SUN3: variants seen among roughly 807,000 people sequenced by gnomAD.
SUN3 encodes SUN domain-containing protein 3.
In SUN3, 36 loss-of-function variants were observed where a neutral mutation model predicts 48.2. The ratio of observed to expected loss-of-function variants is 0.75; its 90% confidence interval spans 0.57 to 0.99. The LOEUF is 0.99. Ranked by LOEUF, SUN3 falls within the 50% of genes least tolerant of loss-of-function variation. SUN3 has a pLI of 0.00. For missense variants in SUN3, 419 were observed against 433.1 expected (o/e 0.97, Z 0.29); for synonymous variants, 148 against 147.9 (o/e 1.00, Z 0.00).
intron 3 of SUN3, among the ~76,000 whole-genome samples, chr7:48,014,758 T>C (rs1324530754): frequency 2.0e-5 from 3 of 152,132 alleles, no homozygotes; most frequent in Admixed American, 1.3e-4. Context: ...CCAATGTATA[T>C]ATAGAGAGAG....
At chr7:48,023,961 A>T (rs924572482) in intron 2 of SUN3, among the ~76,000 whole-genome samples, 4 of 152,240 alleles carry the variant, frequency 2.6e-5, no homozygotes, top group African/African-American at 9.6e-5. Context: ...TTTGGAACAG[A>T]GGACAAGACA....
At chr7:48,023,037 A>AT (rs1248283082) in intron 2 of SUN3, among the ~76,000 whole-genome samples, 1 of 152,190 alleles carries the variant, frequency 6.6e-6, no homozygotes, top group Non-Finnish European at 1.5e-5. Context: ...GTGAAAGGAC[A>AT]TTAGAGAGTA....
Position 47,996,099 on chromosome 7 carries a change from T to C in SUN3, c.625A>G (p.Lys209Glu). The C allele has an allele frequency of 6.3e-7, 1 of 1,596,338 alleles. No homozygotes were observed. The highest frequency in any genetic ancestry group is 8.5e-7 in the Non-Finnish European group (1 of 1,174,374). ...AGTSESYKNN[K>E]AKLYWHGIGF... ...ATCCCATGCCAGTACAATTTTGCTT[T>C]ATTATTTTTATAACTTTCTGAGGTC... Residue 209 changes from lysine (K) to glutamate (E), a missense_variant, in exon 7 of 10, where the codon AAA becomes GAA. Coordinates refer to ENST00000297325, the MANE Select transcript of SUN3 (RefSeq NM_001030019.2).
At chr7:48,015,877 C>A (rs1789797783) in intron 3 of SUN3, among the ~76,000 whole-genome samples, 2 of 152,190 alleles carry the variant, frequency 1.3e-5, no homozygotes, top group Non-Finnish European at 2.9e-5. Context: ...CATGGTTTGA[C>A]TCTGAAACAA....
At chr7:47,995,983 A>C (rs1035154353) in intron 7 of SUN3, 48 bp downstream of exon 7, 2 of 1,194,860 alleles carry the variant, frequency 1.7e-6, no homozygotes, top group Admixed American at 5.0e-5. Flanking sequence ...ATAAATAATA[A>C]GAACAAAATT....
rs529001496 is a variant in SUN3, at chr7:48,024,991, T to C, written c.184+886A>G. On this transcript the variant is annotated intron_variant, in intron 2 of 9. Transcript: ENST00000297325. ...TCCTCCTACACTGCTTGTGGGAATG[T>C]AAAATAGTGCAGCCATTGAGGAAAA... is the stretch of plus-strand genomic sequence containing the variant. Among the ~76,000 whole-genome samples the C allele has an allele frequency of 1.4e-4, 21 of 152,256 alleles. No homozygotes were observed. In the South Asian group the frequency reaches 4.4e-3, roughly 32 times the overall value.
At chr7:48,016,621 T>C (rs532433689) in intron 3 of SUN3, among the ~76,000 whole-genome samples, 101 of 152,314 alleles carry the variant, frequency 6.6e-4, no homozygotes, top group Non-Finnish European at 1.0e-3. Context: ...GCCATACTCC[T>C]GTCCAGTGTC....
At position 48,029,019 on chromosome 7, in the gene SUN3, C is replaced by A. The variant is rs1431334379; in HGVS notation, c.-81G>T. On this transcript the variant is annotated 5_prime_UTR_variant, in exon 1 of 10. Transcript: ENST00000297325. Reference sequence around the variant, plus strand: ...TTCCTATTTTATGAAAAACATGAAGCTATACATACAGTTTCTAAATTTGTT... The same window carrying A: ...TTCCTATTTTATGAAAAACATGAAGATATACATACAGTTTCTAAATTTGTT... 1.9e-6 allele frequency: 3 copies of A among 1,583,746 alleles called. No individual in the cohort carries two copies. The highest frequency in any genetic ancestry group is 2.7e-5 in the African/African-American group (2 of 73,492).
intron 2 of SUN3, among the ~76,000 whole-genome samples, chr7:48,019,474 T>C (rs1346115151): frequency 4.6e-5 from 7 of 151,212 alleles, no homozygotes; most frequent in Non-Finnish European, 7.4e-5. Context: ...AAAATGGAAA[T>C]GAAGTAAACA....
intron 6 of SUN3, among the ~76,000 whole-genome samples, chr7:48,001,526 T>TTTTG: frequency 8.4e-6 from 1 of 119,120 alleles, no homozygotes; most frequent in African/African-American, 3.1e-5. Context: ...TTTTCTGTTT[T>TTTTG]TTTTGTTTTT....
chr7:48,034,033 G>A (rs1199710320), upstream of SUN3, among the ~76,000 whole-genome samples: 1 of 152,212 alleles, frequency 6.6e-6, no homozygotes, highest in Non-Finnish European at 1.5e-5. Context: ...CAGCCTGGGC[G>A]ACAGAGCAAG....
At chr7:47,999,246 A>G (rs1789293235) in intron 6 of SUN3, among the ~76,000 whole-genome samples, 1 of 151,996 alleles carries the variant, frequency 6.6e-6, no homozygotes, top group African/African-American at 2.4e-5. Flanking sequence ...TATGTTTTTT[A>G]CTGCATTTAT....
At chr7:47,997,150 G>C (rs1357538268) in intron 6 of SUN3, among the ~76,000 whole-genome samples, 1 of 152,082 alleles carries the variant, frequency 6.6e-6, no homozygotes, top group Non-Finnish European at 1.5e-5. Flanking sequence ...TAGTAATTGA[G>C]TTCCTAGAGT....
chr7:47,991,546 T>C (rs1204074598), intron 8 of SUN3, among the ~76,000 whole-genome samples: 2 of 149,544 alleles, frequency 1.3e-5, no homozygotes, highest in African/African-American at 4.9e-5. Flanking sequence ...AGATCATAAT[T>C]GAAGGCATAA....
Position 48,005,208 on chromosome 7 carries a change from C to T in SUN3, c.577+761G>A, listed in dbSNP as rs569930695. On this transcript the variant is annotated intron_variant, in intron 6 of 9. Coordinates refer to ENST00000297325, the MANE Select transcript of SUN3 (RefSeq NM_001030019.2). ...CAACCAAAAAATCCCAACTATGGTT[C>T]GTCTCCCATCTTGTCCCCAACACTC... 4.1e-4 allele frequency among the ~76,000 whole-genome samples: 62 copies of T among 152,258 alleles called. 1 individual carries two copies. Among genetic ancestry groups the T allele is most frequent in the Admixed American group, 1.2e-3 (19 of 15,302 alleles).
rs776574850 is a variant in SUN3, at chr7:48,028,844, G to C, written c.95C>G (p.Ser32Ter). ...SGSASGNALL[S>*]EDENPDANGV... ...ATTCGCATCAGGATTTTCGTCCTCT[G>C]ATAACAAAGCATTGCCACTGGCGCT... The change falls in exon 1 of 10, where the codon TCA becomes TGA. Residue 32 changes from serine (S) to a stop codon, truncating the protein, a stop_gained. Transcript: ENST00000297325. LOFTEE classifies it high-confidence loss of function. The C allele has an allele frequency of 2.4e-5, 39 of 1,613,778 alleles. No homozygotes were observed. Among genetic ancestry groups the C allele is most frequent in the Non-Finnish European group, 3.1e-5 (36 of 1,179,846 alleles).
At chr7:47,995,276 ATGG>A (rs1789178140) in intron 7 of SUN3, among the ~76,000 whole-genome samples, 1 of 148,388 alleles carries the variant, frequency 6.7e-6, no homozygotes, top group African/African-American at 2.5e-5. Flanking sequence ...GGTGGCAGTG[ATGG>A]TGGTGGCGGT....
rs563362281 is a variant in SUN3 at position 48,002,309 on chromosome 7, G to A, written c.577+3660C>T. 1.3e-4 allele frequency among the ~76,000 whole-genome samples: 17 copies of A among 126,272 alleles called. No homozygotes were observed. In the East Asian group the frequency reaches 2.8e-3, roughly 20 times the overall value. The allele number at this position is 126,272 out of a possible 152,430, so 82.8% of individuals were successfully genotyped here. A position where few individuals can be genotyped will look rare whatever the true frequency, so the allele number is the denominator to read the frequency against. On this transcript the variant is annotated intron_variant, in intron 6 of 9. Transcript: ENST00000297325. The stretch of plus-strand genomic sequence containing the variant: ...CGAGTAGCTGGGACCACAGGCGCCC[G>A]CACCACGCCCGGCTAATTTTTTGTA...
intron 3 of SUN3, among the ~76,000 whole-genome samples, chr7:48,012,329 G>A (rs1789705778): frequency 6.6e-6 from 1 of 152,034 alleles, no homozygotes; most frequent in African/African-American, 2.4e-5. Context: ...AAGGCGTCAG[G>A]TAGAGGCTGG....
Sources: gnomAD v4.1 joint callset for allele counts (sites outside exome capture counted in the v4.1 genomes callset) on GRCh38, gnomAD v4.1.1 for gene constraint, MANE v1.5 for transcripts, NCBI Gene and HGNC (gene_info 2026-07-23, HGNC 2026-07-21) for gene names.